Variants in FAF2 observed in about 807,000 individuals in gnomAD.
The protein encoded by FAF2 is Fas associated factor family member 2.
In FAF2, 9 loss-of-function variants were observed where a neutral mutation model predicts 62.3. That is an observed-to-expected ratio of 0.14 (90% CI 0.09 to 0.25). The LOEUF is 0.25. Among genes scored for constraint, FAF2 ranks in the 10% least tolerant of loss-of-function variants. FAF2 has a pLI of 1.00. For missense variants in FAF2, 368 were observed against 556.2 expected, an observed-to-expected ratio of 0.66 and a Z score of 3.40; for synonymous variants, 202 against 198.0, an observed-to-expected ratio of 1.02 and a Z score of -0.17.
chr5:176,499,231 C>A, intron 9 of FAF2, 146 bp downstream of exon 9: 1 of 699,990 alleles, frequency 1.4e-6, no homozygotes, highest in Non-Finnish European at 2.1e-6. Context: ...GAAAAAATTA[C>A]AACATGTTGG....
At chr5:176,470,395 T>C (rs1193398268) in intron 1 of FAF2, among the ~76,000 whole-genome samples, 1 of 152,198 alleles carries the variant, frequency 6.6e-6, no homozygotes, top group Non-Finnish European at 1.5e-5. Flanking sequence ...CTGACCAACA[T>C]GGAGAAACCC....
At chr5:176,463,425 T>C (rs76458036) in intron 1 of FAF2, among the ~76,000 whole-genome samples, 1,927 of 152,052 alleles carry the variant, frequency 0.013, 45 homozygotes, top group African/African-American at 0.044. Context: ...TTTATTTGGT[T>C]CCCCCAAAAT....
At chr5:176,469,616 C>T (rs146004364) in intron 1 of FAF2, among the ~76,000 whole-genome samples, 3 of 152,326 alleles carry the variant, frequency 2.0e-5, no homozygotes, top group Non-Finnish European at 4.4e-5. Flanking sequence ...CATTTTGGCA[C>T]TGTGGGTCAA....
At chr5:176,463,292 C>G (rs1237417565) in intron 1 of FAF2, among the ~76,000 whole-genome samples, 1 of 151,272 alleles carries the variant, frequency 6.6e-6, no homozygotes, top group Non-Finnish European at 1.5e-5. Context: ...GAGGGTGAAA[C>G]AGGAGAATCG....
intron 2 of FAF2, among the ~76,000 whole-genome samples, chr5:176,481,907 CTA>C (rs1372591639): frequency 6.6e-6 from 1 of 152,156 alleles, no homozygotes; most frequent in Non-Finnish European, 1.5e-5. Flanking sequence ...TATGGTGACA[CTA>C]TGTTTAACCT....
intron 1 of FAF2, among the ~76,000 whole-genome samples, chr5:176,455,605 CA>C (rs1758265739): frequency 6.6e-6 from 1 of 152,138 alleles, no homozygotes; most frequent in South Asian, 2.1e-4. Flanking sequence ...AAAAATTAGC[CA>C]GATTTGGTGG....
At chr5:176,467,455 C>T (rs902244798) in intron 1 of FAF2, among the ~76,000 whole-genome samples, 7 of 152,034 alleles carry the variant, frequency 4.6e-5, no homozygotes, top group African/African-American at 1.2e-4. Flanking sequence ...CTCAGCCACC[C>T]GAGTAGCTAG....
At chr5:176,465,006 G>A (rs893100578) in intron 1 of FAF2, among the ~76,000 whole-genome samples, 1 of 152,084 alleles carries the variant, frequency 6.6e-6, no homozygotes, top group Non-Finnish European at 1.5e-5. Flanking sequence ...TCTTGCCTCA[G>A]CCTCCTGAAT....
chr5:176,461,987 A>C (rs921589209), intron 1 of FAF2, among the ~76,000 whole-genome samples: 2 of 152,166 alleles, frequency 1.3e-5, no homozygotes, highest in Non-Finnish European at 2.9e-5. Context: ...AGAAGTAAGC[A>C]TCAGAAAAGC....
chr5:176,451,884 ATATATATATTTTT>A (rs1758189318), intron 1 of FAF2, among the ~76,000 whole-genome samples: 24 of 28,316 alleles, frequency 8.5e-4, no homozygotes, highest in South Asian at 1.3e-3. Context: ...ACATATATAT[ATATATATATTTTT>A]TTTTTTTTTT....
chr5:176,449,743 G>A (rs1280557297), intron 1 of FAF2, among the ~76,000 whole-genome samples: 1 of 152,242 alleles, frequency 6.6e-6, no homozygotes, highest in Non-Finnish European at 1.5e-5. Flanking sequence ...TATATAAAAT[G>A]TGTAAATATT....
intron 2 of FAF2, 49 bp from the exon 3 acceptor site, chr5:176,486,306 G>T (rs769465101): frequency 6.2e-7 from 1 of 1,606,974 alleles, no homozygotes; most frequent in Admixed American, 1.7e-5. Context: ...CTTGTTGTTG[G>T]TTGATTTGAG....
At chr5:176,463,310 C>G (rs1007075444) in intron 1 of FAF2, among the ~76,000 whole-genome samples, 4 of 151,518 alleles carry the variant, frequency 2.6e-5, no homozygotes, top group South Asian at 2.1e-4. Context: ...TCGCTTGGCC[C>G]GGGAGGCAGA....
At chr5:176,487,434 C>T (rs1267512503) in intron 3 of FAF2, among the ~76,000 whole-genome samples, 1 of 152,076 alleles carries the variant, frequency 6.6e-6, no homozygotes, top group East Asian at 1.9e-4. Context: ...CTGCCCACCT[C>T]AGCCTCCCAA....
chr5:176,450,828 G>C (rs544266086), intron 1 of FAF2, among the ~76,000 whole-genome samples: 1 of 152,100 alleles, frequency 6.6e-6, no homozygotes, highest in African/African-American at 2.4e-5. Context: ...GGCGTGAGCC[G>C]CCGCGCCCGG....
Position 176,493,980 on chromosome 5 carries a change from G to T in FAF2, c.484-19G>T. On this transcript the variant is annotated intron_variant, in intron 5 of 10. Coordinates refer to ENST00000261942, the MANE Select transcript of FAF2 (RefSeq NM_014613.3). ...AGGCACAGTCTTCTTAATAGTGAGT[G>T]ACCTTCTCTTTCTCACAGGCACTTA... is the stretch of plus-strand genomic sequence containing the variant. 6.3e-7 allele frequency: 1 copy of T among 1,582,306 alleles called. No homozygotes were observed. Among genetic ancestry groups the T allele is most frequent in the South Asian group, 1.1e-5 (1 of 89,860 alleles).
chr5:176,474,124 C>T (rs1205188657), intron 1 of FAF2, among the ~76,000 whole-genome samples: 1 of 152,162 alleles, frequency 6.6e-6, no homozygotes, highest in Non-Finnish European at 1.5e-5. Flanking sequence ...GTATACTAAA[C>T]TAAGTTTTTC....
chr5:176,464,540 T>A (rs1482218714), intron 1 of FAF2, among the ~76,000 whole-genome samples: 2 of 142,168 alleles, frequency 1.4e-5, no homozygotes, highest in African/African-American at 5.3e-5. Flanking sequence ...TCACCTGGGC[T>A]GGAGTACAGT....
intron 1 of FAF2, among the ~76,000 whole-genome samples, chr5:176,476,296 A>G (rs745385061): frequency 1.3e-5 from 2 of 152,176 alleles, no homozygotes; most frequent in Non-Finnish European, 2.9e-5. Context: ...AAAACAGTGT[A>G]TTAATGTAAA....
Sources: gnomAD v4.1 joint callset for allele counts (sites outside exome capture counted in the v4.1 genomes callset) on GRCh38, gnomAD v4.1.1 for gene constraint, MANE v1.5 for transcripts, NCBI Gene and HGNC (gene_info 2026-07-23, HGNC 2026-07-21) for gene names.